The following VPS54 variants were observed in gnomAD, a reference collection of about 807,000 sequenced individuals.
VPS54 encodes VPS54 subunit of GARP complex.
Under a neutral mutation model 121.5 loss-of-function variants are expected in VPS54, and 45 were observed. That is an observed-to-expected ratio of 0.37 (90% confidence interval 0.29 to 0.47). The LOEUF is 0.47. VPS54 is among the 20% of genes least tolerant of loss of function. The pLI, the probability that VPS54 is intolerant of heterozygous loss-of-function variation, is 0.99. For synonymous variants in VPS54, 371 were observed against 385.8 expected, an observed-to-expected ratio of 0.96 and a Z score of 0.45; for missense variants, 1,090 against 1,131.4, an observed-to-expected ratio of 0.96 and a Z score of 0.52.
intron 11 of VPS54, among the ~76,000 whole-genome samples, chr2:63,939,838 G>A (rs948605581): frequency 4.6e-5 from 7 of 151,348 alleles, no homozygotes; most frequent in Non-Finnish European, 1.0e-4. Flanking sequence ...TTGGCTCACT[G>A]CAACCTCCAC....
intron 13 of VPS54, 35 bp downstream of exon 13, chr2:63,921,171 G>C: frequency 6.4e-7 from 1 of 1,573,464 alleles, no homozygotes; most frequent in Non-Finnish European, 8.6e-7. Flanking sequence ...AAATTATTAC[G>C]TATAAAATAT....
chr2:63,914,636 G>T (rs112165975), intron 16 of VPS54, among the ~76,000 whole-genome samples: 1 of 152,002 alleles, frequency 6.6e-6, no homozygotes, highest in African/African-American at 2.4e-5. Context: ...AGTAAGACAG[G>T]TATTGCATTC....
At chr2:63,974,966 G>A in intron 3 of VPS54, 2 of 1,544,430 alleles carry the variant, frequency 1.3e-6, no homozygotes, top group Non-Finnish European at 1.7e-6. Flanking sequence ...AAAAGAAACA[G>A]TGACAGGGGA....
chr2:63,913,728 G>T, intron 17 of VPS54: 1 of 552,836 alleles, frequency 1.8e-6, no homozygotes, highest in Non-Finnish European at 2.3e-6. Flanking sequence ...CGTACTGGTA[G>T]TTTAAAATAT....
intron 4 of VPS54, among the ~76,000 whole-genome samples, chr2:63,970,304 G>GATATATATAGATATAGATAT (rs1358578690): frequency 1.5e-5 from 2 of 134,188 alleles, no homozygotes; most frequent in African/African-American, 6.1e-5. Flanking sequence ...GATATATATA[G>GATATATATAGATATAGATAT]ATATAGATAA....
intron 1 of VPS54, among the ~76,000 whole-genome samples, chr2:64,016,595 A>T (rs912934439): frequency 2.8e-5 from 4 of 143,226 alleles, no homozygotes; most frequent in Admixed American, 1.5e-4. Context: ...TAATCTAAAA[A>T]CCACTGAATT....
At chr2:63,898,116 T>C (rs150103728) in intron 21 of VPS54, among the ~76,000 whole-genome samples, 1 of 152,360 alleles carries the variant, frequency 6.6e-6, no homozygotes, top group African/African-American at 2.4e-5. Flanking sequence ...GGAAGTTTTG[T>C]GGAATTACTA....
rs1166270316 is a variant in VPS54, at chr2:64,019,371, C to T, written c.-454G>A. On this transcript the variant is annotated 5_prime_UTR_variant, in exon 1 of 23. Transcript: ENST00000272322. Reference sequence around the variant, plus strand: ...CACCCCGCCGGCCCAGCCGGCTCGGCCCGGTCGGGTGCGGGGAGACAGCGC... The same window carrying T: ...CACCCCGCCGGCCCAGCCGGCTCGGTCCGGTCGGGTGCGGGGAGACAGCGC... 1.3e-5 allele frequency among the ~76,000 whole-genome samples: 2 copies of T among 151,194 alleles called. No individual in the cohort carries two copies. The highest frequency in any genetic ancestry group is 1.5e-5 in the Non-Finnish European group (1 of 67,754).
chr2:63,971,282 T>TA (rs964068884), intron 4 of VPS54, among the ~76,000 whole-genome samples: 3 of 152,230 alleles, frequency 2.0e-5, no homozygotes, highest in Non-Finnish European at 2.9e-5. Flanking sequence ...GCCTCTAGTC[T>TA]AATCATCATC....
intron 14 of VPS54, 89 bp from the exon 15 acceptor site, chr2:63,920,084 G>T: frequency 9.3e-7 from 1 of 1,075,888 alleles, no homozygotes; most frequent in Non-Finnish European, 1.3e-6. Flanking sequence ...AGAGCTGAGT[G>T]AGAACATAAG....
intron 22 of VPS54, among the ~76,000 whole-genome samples, chr2:63,895,822 C>T (rs929661859): frequency 2.0e-4 from 30 of 152,134 alleles, no homozygotes; most frequent in African/African-American, 7.2e-4. Flanking sequence ...TGAGGATTCT[C>T]TAAGGTCAGA....
intron 1 of VPS54, among the ~76,000 whole-genome samples, chr2:64,008,615 T>C (rs973881389): frequency 4.6e-5 from 7 of 151,922 alleles, no homozygotes; most frequent in African/African-American, 1.7e-4. Flanking sequence ...AGTGAGAAAA[T>C]AAGCAGGCTG....
Position 63,992,053 on chromosome 2 carries a change from C to G in VPS54, c.-20-8034G>C, listed in dbSNP as rs576041824. 3.3e-5 allele frequency among the ~76,000 whole-genome samples: 5 copies of G among 152,326 alleles called. No individual in the cohort carries two copies. In the South Asian group the frequency reaches 1.0e-3, roughly 32 times the overall value. ...GCATCCACCTCTGCTAAAGGAATCA[C>G]CATTCATACTGGTCTCATTAATTCT... On this transcript the variant is annotated intron_variant, in intron 1 of 22. Transcript: ENST00000272322.
intron 20 of VPS54, among the ~76,000 whole-genome samples, chr2:63,907,687 C>T (rs897216242): frequency 6.6e-6 from 1 of 152,076 alleles, no homozygotes; most frequent in African/African-American, 2.4e-5. Flanking sequence ...TTAGAAACCA[C>T]ATACTGATAC....
chr2:64,005,229 G>A (rs369298100), intron 1 of VPS54, among the ~76,000 whole-genome samples: 28 of 143,640 alleles, frequency 1.9e-4, no homozygotes, highest in African/African-American at 4.6e-4. Context: ...TCAGCCTCCC[G>A]AGTAGCTGGG....
At position 63,999,006 on chromosome 2, in the gene VPS54, G is replaced by C. The variant is rs1292587210; in HGVS notation, c.-20-14987C>G. ...CTGTCACCCAGGCTGGAGTGCGGTG[G>C]CACCATCTTGGCTCACTGCAACCTC... On this transcript the variant is annotated intron_variant, in intron 1 of 22. Transcript: ENST00000272322. Among the ~76,000 whole-genome samples the C allele has an allele frequency of 2.0e-5, 3 of 152,120 alleles. No homozygotes were observed. The East Asian group carries it at 5.8e-4, about 29-fold the overall frequency.
intron 5 of VPS54, among the ~76,000 whole-genome samples, chr2:63,968,654 G>A (rs1308252764): frequency 2.6e-5 from 4 of 152,112 alleles, no homozygotes. Flanking sequence ...AGGAGACGGA[G>A]GTTACAGTGA....
chr2:63,991,700 C>T (rs1369978406), intron 1 of VPS54, among the ~76,000 whole-genome samples: 3 of 152,202 alleles, frequency 2.0e-5, no homozygotes, highest in Non-Finnish European at 2.9e-5. Flanking sequence ...AAACCCCCTA[C>T]CACAGAACCA....
chr2:63,976,285 A>G (rs981366965), intron 3 of VPS54, among the ~76,000 whole-genome samples: 2 of 148,164 alleles, frequency 1.3e-5, no homozygotes, highest in Admixed American at 6.8e-5. Flanking sequence ...CGGGAGGTTG[A>G]GGCTGCAGTG....
Sources: allele counts gnomAD v4.1 joint callset (sites outside exome capture counted in the v4.1 genomes callset), GRCh38; gene constraint gnomAD v4.1.1; transcripts MANE v1.5; gene names NCBI Gene and HGNC (gene_info 2026-07-23, HGNC 2026-07-21).